Variants in WWTR1 observed in about 807,000 individuals in gnomAD.
WWTR1 encodes WW domain-containing transcription regulator protein 1.
In WWTR1, 13 loss-of-function variants were observed where a neutral mutation model predicts 40.1. The observed-to-expected ratio is 0.32, with a 90% confidence interval of 0.21 to 0.52. The LOEUF is 0.52. Ranked by LOEUF, WWTR1 falls within the 20% of genes least tolerant of loss-of-function variation. The probability of loss-of-function intolerance (pLI) is 0.97; values close to 1 mark genes in which losing one functional copy is unlikely to be tolerated. For missense variants in WWTR1, 436 were observed against 523.1 expected, an observed-to-expected ratio of 0.83 and a Z score of 1.63; for synonymous variants, 230 against 210.1, an observed-to-expected ratio of 1.09 and a Z score of -0.82.
At chr3:149,630,827 G>A (rs1449438112) in intron 2 of WWTR1, among the ~76,000 whole-genome samples, 1 of 152,152 alleles carries the variant, frequency 6.6e-6, no homozygotes, top group Non-Finnish European at 1.5e-5. Context: ...TCACCCATCT[G>A]TTTTTGCACA....
chr3:149,689,312 TGGAGG>T (rs1714744450), intron 1 of WWTR1, among the ~76,000 whole-genome samples: 1 of 124,058 alleles, frequency 8.1e-6, no homozygotes, highest in Non-Finnish European at 1.6e-5. Context: ...GCCCAGGAGG[TGGAGG>T]TTGCAGTGAG....
At chr3:149,540,894 T>A in intron 4 of WWTR1, 1 of 358,328 alleles carries the variant, frequency 2.8e-6, no homozygotes, top group Non-Finnish European at 5.5e-6. Context: ...ATTTTAAACC[T>A]CACACAATAT....
chr3:149,616,740 C>A (rs1303214217), intron 2 of WWTR1, among the ~76,000 whole-genome samples: 1 of 152,154 alleles, frequency 6.6e-6, no homozygotes, highest in African/African-American at 2.4e-5. Context: ...TTGCACCTGG[C>A]CTGCTGTCCT....
Position 149,519,161 on chromosome 3 carries a change from T to C in WWTR1, c.*1644A>G, listed in dbSNP as rs1734924108. On this transcript the variant is annotated 3_prime_UTR_variant, in exon 7 of 7. Coordinates refer to ENST00000360632, the MANE Select transcript of WWTR1 (RefSeq NM_015472.6). Reference sequence around the variant, plus strand: ...AAATATTAAACAGTTGAGGACTTCATTGGCAATGCAGGCAGACTGCATGCC... The same window carrying C: ...AAATATTAAACAGTTGAGGACTTCACTGGCAATGCAGGCAGACTGCATGCC... 1 of 152,348 alleles carries C rather than the reference T, an allele frequency of 6.6e-6. No individual in the cohort carries two copies. Among genetic ancestry groups the C allele is most frequent in the African/African-American group, 2.4e-5 (1 of 41,594 alleles). The allele number at this position is 152,348 out of a possible 1,614,324, so 9.4% of individuals were successfully genotyped here. A position where few individuals can be genotyped will look rare whatever the true frequency, so the allele number is the denominator to read the frequency against.
chr3:149,680,727 A>G (rs2108203208), intron 1 of WWTR1, among the ~76,000 whole-genome samples: 1 of 152,034 alleles, frequency 6.6e-6, no homozygotes, highest in African/African-American at 2.4e-5. Context: ...CTGTAGTCCC[A>G]GCTACTCAGG....
intron 3 of WWTR1, among the ~76,000 whole-genome samples, chr3:149,553,438 A>G (rs1295895953): frequency 7.2e-5 from 11 of 152,198 alleles, no homozygotes; most frequent in Admixed American, 3.3e-4. Flanking sequence ...GATCAACGTG[A>G]ATCGCATGTT....
intron 6 of WWTR1, among the ~76,000 whole-genome samples, chr3:149,525,372 A>C (rs1047478291): frequency 6.6e-6 from 1 of 152,102 alleles, no homozygotes; most frequent in South Asian, 2.1e-4. Context: ...AAATACCCCA[A>C]TGTGGAAACA....
At chr3:149,659,763 C>T (rs1713486961), upstream of WWTR1, 1 of 152,086 alleles carries the variant, frequency 6.6e-6, no homozygotes, top group Non-Finnish European at 1.5e-5. Flanking sequence ...ATTTTGGGGC[C>T]ACTCCCTGAA....
At chr3:149,607,424 C>T (rs994826698) in intron 2 of WWTR1, among the ~76,000 whole-genome samples, 1 of 152,196 alleles carries the variant, frequency 6.6e-6, no homozygotes, top group East Asian at 1.9e-4. Context: ...ACGCCATTCT[C>T]CTGCCTCAGC....
chr3:149,591,024 G>C (rs892564609), intron 2 of WWTR1, among the ~76,000 whole-genome samples: 1 of 149,584 alleles, frequency 6.7e-6, no homozygotes, highest in Non-Finnish European at 1.5e-5. Flanking sequence ...TAACACCCTG[G>C]TTTTAATTAG....
chr3:149,717,282 A>G (rs1010931713), intron 5 of WWTR1, among the ~76,000 whole-genome samples: 5 of 152,236 alleles, frequency 3.3e-5, no homozygotes, highest in Admixed American at 1.3e-4. Flanking sequence ...AATGAATACA[A>G]TTTTAGGCTA....
chr3:149,669,846 T>C (rs2108189091), exon 2 of WWTR1: 1 of 152,318 alleles, frequency 6.6e-6, no homozygotes, highest in South Asian at 2.1e-4. Context: ...AGGAAGCAGA[T>C]GCCAAGATAA....
At chr3:149,713,309 A>C (rs1370124577) in intron 5 of WWTR1, among the ~76,000 whole-genome samples, 1 of 152,184 alleles carries the variant, frequency 6.6e-6, no homozygotes, top group Non-Finnish European at 1.5e-5. Flanking sequence ...TGAAAAAAAT[A>C]AAACCATGAA....
At chr3:149,581,112 C>T (rs967177931) in intron 2 of WWTR1, among the ~76,000 whole-genome samples, 8 of 152,164 alleles carry the variant, frequency 5.3e-5, no homozygotes, top group Admixed American at 3.3e-4. Context: ...CTTCCTCCCA[C>T]GTTGTCATTC....
intron 2 of WWTR1, among the ~76,000 whole-genome samples, chr3:149,596,252 G>GATC (rs961451832): frequency 1.1e-4 from 17 of 152,292 alleles, no homozygotes; most frequent in African/African-American, 2.9e-4. Flanking sequence ...AAGTTGTTTG[G>GATC]ATGTTTTCCA....
At chr3:149,608,669 G>A (rs1006415004) in intron 2 of WWTR1, among the ~76,000 whole-genome samples, 2 of 152,112 alleles carry the variant, frequency 1.3e-5, no homozygotes, top group African/African-American at 4.8e-5. Flanking sequence ...GATTACAGGT[G>A]TGAGTCACCA....
chr3:149,540,110 A>T (rs1192086019), intron 4 of WWTR1: 1 of 441,102 alleles, frequency 2.3e-6, no homozygotes, highest in African/African-American at 2.0e-5. Flanking sequence ...ACACACACAC[A>T]CACACACACA....
intron 4 of WWTR1, among the ~76,000 whole-genome samples, chr3:149,529,735 A>G (rs980925502): frequency 6.6e-6 from 1 of 152,192 alleles, no homozygotes; most frequent in Admixed American, 6.5e-5. Context: ...AAGGAACAAC[A>G]GGGATTGAAT....
At chr3:149,652,297 G>C in intron 2 of WWTR1, among the ~76,000 whole-genome samples, 1 of 151,720 alleles carries the variant, frequency 6.6e-6, no homozygotes. Context: ...AAACATTACT[G>C]ACATACAGCA....
Sources: allele counts gnomAD v4.1 joint callset (sites outside exome capture counted in the v4.1 genomes callset), GRCh38; gene constraint gnomAD v4.1.1; transcripts MANE v1.5; gene names NCBI Gene and HGNC (gene_info 2026-07-23, HGNC 2026-07-21).